Variants in BCAR3 observed in about 807,000 individuals in gnomAD.
The protein encoded by BCAR3 is breast cancer anti-estrogen resistance protein 3.
Under a neutral mutation model 80.1 loss-of-function variants are expected in BCAR3, and 37 were observed. The ratio of observed to expected loss-of-function variants is 0.46; its 90% CI spans 0.36 to 0.61. The LOEUF (loss-of-function observed/expected upper bound fraction) is 0.61. Ranked by LOEUF, BCAR3 falls within the 20% of genes least tolerant of loss-of-function variation. BCAR3 has a pLI of 0.00. For synonymous variants in BCAR3, 389 were observed against 418.9 expected (o/e 0.93, Z 0.87); for missense variants, 978 against 1,068.2 (o/e 0.92, Z 1.18).
exon 1 of BCAR3, chr1:93,847,088 A>AGGCCGCTCGGCCTC (rs1230412100): frequency 8.1e-6 from 2 of 247,850 alleles, no homozygotes; most frequent in African/African-American, 2.4e-5. Context: ...GCCCGAGGGG[A>AGGCCGCTCGGCCTC]GGCCGCTCGG....
intron 3 of BCAR3, among the ~76,000 whole-genome samples, chr1:93,608,092 A>AT (rs1376278281): frequency 1.3e-5 from 2 of 152,176 alleles, no homozygotes; most frequent in African/African-American, 2.4e-5. Flanking sequence ...CTACATAACT[A>AT]TTTTTGTAAA....
chr1:93,801,816 T>C (rs1315281001), intron 2 of BCAR3, among the ~76,000 whole-genome samples: 1 of 152,106 alleles, frequency 6.6e-6, no homozygotes, highest in South Asian at 2.1e-4. Flanking sequence ...AGACCTTATC[T>C]CCACAAAAAA....
chr1:93,734,938 C>T (rs1170785610), intron 2 of BCAR3, among the ~76,000 whole-genome samples: 2 of 152,216 alleles, frequency 1.3e-5, no homozygotes, highest in Non-Finnish European at 2.9e-5. Context: ...AGGTTAACCT[C>T]TCTACCAGAC....
intron 11 of BCAR3, among the ~76,000 whole-genome samples, chr1:93,562,809 T>TAA (rs1672756775): frequency 6.7e-6 from 1 of 148,312 alleles, no homozygotes. Context: ...AAAGCTTGCT[T>TAA]AAAGTAGCAT....
chr1:93,785,075 G>A (rs891140057), intron 2 of BCAR3, among the ~76,000 whole-genome samples: 1 of 152,204 alleles, frequency 6.6e-6, no homozygotes, highest in South Asian at 2.1e-4. Flanking sequence ...GGGAGTTGGG[G>A]CATATCATTC....
chr1:93,670,049 G>A (rs1472969882), intron 2 of BCAR3, among the ~76,000 whole-genome samples: 2 of 152,136 alleles, frequency 1.3e-5, no homozygotes, highest in African/African-American at 4.8e-5. Context: ...ACTCACTCAT[G>A]TAACCAAATA....
chr1:93,676,247 C>T (rs1447047155), intron 1 of BCAR3, among the ~76,000 whole-genome samples: 2 of 152,166 alleles, frequency 1.3e-5, no homozygotes, highest in Non-Finnish European at 2.9e-5. Context: ...TTGAAGACAA[C>T]CAAGAAGAAT....
intron 3 of BCAR3, among the ~76,000 whole-genome samples, chr1:93,617,459 T>G (rs1675163031): frequency 6.6e-6 from 1 of 152,184 alleles, no homozygotes; most frequent in Non-Finnish European, 1.5e-5. Context: ...AGCGGCCCCA[T>G]GGACAGTGAC....
At chr1:93,729,122 A>G (rs904549341) in intron 2 of BCAR3, among the ~76,000 whole-genome samples, 1 of 152,200 alleles carries the variant, frequency 6.6e-6, no homozygotes, top group African/African-American at 2.4e-5. Context: ...AGAGATTTTC[A>G]TGTAGGCAGT....
intron 2 of BCAR3, among the ~76,000 whole-genome samples, chr1:93,796,515 CGCGCACGGT>C (rs1286551323): frequency 6.0e-5 from 9 of 150,346 alleles, no homozygotes; most frequent in Non-Finnish European, 1.2e-4. Context: ...TGCTTCGGCT[CGCGCACGGT>C]GCGCGCACAC....
intron 2 of BCAR3, among the ~76,000 whole-genome samples, chr1:93,739,551 G>A (rs1003317136): frequency 1.3e-5 from 2 of 152,088 alleles, no homozygotes; most frequent in South Asian, 2.1e-4. Context: ...CTCTTAGAAC[G>A]CATGCAGGGC....
chr1:93,776,769 T>G (rs1016330585), intron 2 of BCAR3, among the ~76,000 whole-genome samples: 5 of 152,206 alleles, frequency 3.3e-5, no homozygotes. Flanking sequence ...TGTCTAATTC[T>G]TTGCCAATAG....
At chr1:93,773,160 C>A (rs956528326) in intron 2 of BCAR3, among the ~76,000 whole-genome samples, 1 of 152,126 alleles carries the variant, frequency 6.6e-6, no homozygotes, top group African/African-American at 2.4e-5. Flanking sequence ...ACCCTACGTC[C>A]CTTTCTCATG....
chr1:93,756,326 C>T (rs1051267594), intron 2 of BCAR3, among the ~76,000 whole-genome samples: 1 of 152,134 alleles, frequency 6.6e-6, no homozygotes, highest in Non-Finnish European at 1.5e-5. Context: ...TAACCCCTTC[C>T]CAAGCCATTC....
intron 2 of BCAR3, among the ~76,000 whole-genome samples, chr1:93,766,025 T>A (rs535053253): frequency 8.5e-5 from 13 of 152,274 alleles, no homozygotes; most frequent in Admixed American, 7.2e-4. Flanking sequence ...GTATAGTAGA[T>A]CTCCAGAACT....
intron 2 of BCAR3, among the ~76,000 whole-genome samples, chr1:93,834,958 C>A (rs1264245244): frequency 6.6e-6 from 1 of 152,178 alleles, no homozygotes; most frequent in Non-Finnish European, 1.5e-5. Flanking sequence ...CCTGATTACA[C>A]TTGGTTTATC....
intron 2 of BCAR3, among the ~76,000 whole-genome samples, chr1:93,762,227 C>A (rs1651970818): frequency 6.6e-6 from 1 of 152,234 alleles, no homozygotes; most frequent in African/African-American, 2.4e-5. Context: ...CTCTCACTTT[C>A]ATGATGCACA....
intron 3 of BCAR3, among the ~76,000 whole-genome samples, chr1:93,604,829 G>A (rs548260510): frequency 1.3e-5 from 2 of 152,278 alleles, no homozygotes; most frequent in African/African-American, 4.8e-5. Flanking sequence ...AACAAATGTG[G>A]CTTCTTTTCT....
At chr1:93,727,466 G>T (rs146128509) in intron 2 of BCAR3, among the ~76,000 whole-genome samples, 2 of 152,264 alleles carry the variant, frequency 1.3e-5, no homozygotes, top group African/African-American at 4.8e-5. Context: ...TTGTAAGCTC[G>T]GCAATGTATT....
Sources: gnomAD v4.1 joint callset for allele counts (sites outside exome capture counted in the v4.1 genomes callset) on GRCh38, gnomAD v4.1.1 for gene constraint, MANE v1.5 for transcripts, NCBI Gene and HGNC (gene_info 2026-07-23, HGNC 2026-07-21) for gene names.